SIPA1L1: variants seen among roughly 807,000 people sequenced by gnomAD.
SIPA1L1 encodes signal-induced proliferation-associated 1-like protein 1.
SIPA1L1 carries 26 observed loss-of-function variants against 162.7 expected under a neutral mutation model. The observed-to-expected ratio is 0.16, with a 90% CI of 0.12 to 0.22. SIPA1L1 has a LOEUF of 0.22. Ranked by LOEUF, SIPA1L1 falls within the 10% of genes least tolerant of loss-of-function variation. The pLI, the probability that SIPA1L1 is intolerant of heterozygous loss-of-function variation, is 1.00. For missense variants in SIPA1L1, 1,874 were observed against 2,241.0 expected, an observed-to-expected ratio of 0.84 and a Z score of 3.31; for synonymous variants, 829 against 837.4, an observed-to-expected ratio of 0.99 and a Z score of 0.17.
intron 2 of SIPA1L1, among the ~76,000 whole-genome samples, chr14:71,476,804 A>G (rs1411766424): frequency 6.6e-6 from 1 of 152,020 alleles, no homozygotes; most frequent in Non-Finnish European, 1.5e-5. Flanking sequence ...CAGCCTCCCA[A>G]GTAGCTGGGA....
chr14:71,364,422 T>A (rs1303287036), intron 2 of SIPA1L1, among the ~76,000 whole-genome samples: 12 of 152,202 alleles, frequency 7.9e-5, no homozygotes, highest in Non-Finnish European at 1.6e-4. Context: ...GGCCGTTTCA[T>A]GACTGTCGTA....
At chr14:71,453,996 C>CAAAAAAAA (rs751420064) in intron 2 of SIPA1L1, among the ~76,000 whole-genome samples, 2 of 76,550 alleles carry the variant, frequency 2.6e-5, no homozygotes, top group African/African-American at 6.3e-5. Context: ...GAGATTGTTT[C>CAAAAAAAA]AAAAAAAAAA....
At chr14:71,452,500 C>T (rs982220120) in intron 2 of SIPA1L1, among the ~76,000 whole-genome samples, 3 of 151,830 alleles carry the variant, frequency 2.0e-5, no homozygotes, top group Non-Finnish European at 4.4e-5. Context: ...CTTGTTTTTG[C>T]TTTTTTGGGC....
chr14:71,422,077 T>C (rs1008300339), intron 2 of SIPA1L1, among the ~76,000 whole-genome samples: 2 of 152,208 alleles, frequency 1.3e-5, no homozygotes, highest in Admixed American at 6.5e-5. Flanking sequence ...TTTTTAACAG[T>C]TGTATATGAG....
chr14:71,403,107 G>A (rs1277605104), intron 2 of SIPA1L1, among the ~76,000 whole-genome samples: 2 of 152,040 alleles, frequency 1.3e-5, no homozygotes, highest in African/African-American at 4.8e-5. Flanking sequence ...GTTCATTGTA[G>A]ATCATCTGTC....
chr14:71,510,848 G>A (rs1013710174), intron 2 of SIPA1L1, among the ~76,000 whole-genome samples: 12 of 152,250 alleles, frequency 7.9e-5, no homozygotes, highest in Middle Eastern at 3.4e-3. Context: ...GAATAAGTAC[G>A]GGCCTTGACA....
chr14:71,457,633 A>G (rs1007603583), intron 2 of SIPA1L1, among the ~76,000 whole-genome samples: 8 of 137,956 alleles, frequency 5.8e-5, no homozygotes, highest in African/African-American at 2.2e-4. Flanking sequence ...CGCTTTTATC[A>G]TGCACAGCTA....
chr14:71,453,837 T>C (rs2045985607), intron 2 of SIPA1L1, among the ~76,000 whole-genome samples: 2 of 151,652 alleles, frequency 1.3e-5, no homozygotes, highest in Admixed American at 1.3e-4. Flanking sequence ...CTACTAAAAA[T>C]ACTAAAATTA....
At chr14:71,392,367 C>T (rs1317696193) in intron 2 of SIPA1L1, among the ~76,000 whole-genome samples, 1 of 152,162 alleles carries the variant, frequency 6.6e-6, no homozygotes, top group Non-Finnish European at 1.5e-5. Flanking sequence ...AATGTGATTT[C>T]TTGCCTTTCA....
chr14:71,439,533 A>G (rs1286786758), intron 2 of SIPA1L1, among the ~76,000 whole-genome samples: 1 of 152,234 alleles, frequency 6.6e-6, no homozygotes, highest in Non-Finnish European at 1.5e-5. Context: ...AGTATATGCT[A>G]CTTTATTTTC....
intron 2 of SIPA1L1, among the ~76,000 whole-genome samples, chr14:71,417,511 C>G (rs1197994967): frequency 3.9e-5 from 3 of 76,612 alleles, no homozygotes. Flanking sequence ...AAAGAAAATC[C>G]TAAAGAAGAG....
At chr14:71,361,565 T>C (rs1418698163) in intron 2 of SIPA1L1, among the ~76,000 whole-genome samples, 1 of 152,190 alleles carries the variant, frequency 6.6e-6, no homozygotes, top group Non-Finnish European at 1.5e-5. Context: ...GATAAGTCAT[T>C]ACGTAAGAAC....
chr14:71,729,041 T>G (rs1300771789), intron 19 of SIPA1L1, among the ~76,000 whole-genome samples: 1 of 152,188 alleles, frequency 6.6e-6, no homozygotes, highest in Non-Finnish European at 1.5e-5. Flanking sequence ...TCCCTATTCT[T>G]TCTTTATTTT....
chr14:71,515,670 A>G (rs1371627968), intron 3 of SIPA1L1, among the ~76,000 whole-genome samples: 2 of 151,844 alleles, frequency 1.3e-5, no homozygotes, highest in Non-Finnish European at 2.9e-5. Flanking sequence ...TTTGAGATGG[A>G]GTCTTACTCT....
At chr14:71,641,026 A>T (rs1274893622) in intron 7 of SIPA1L1, among the ~76,000 whole-genome samples, 1 of 152,238 alleles carries the variant, frequency 6.6e-6, no homozygotes, top group Non-Finnish European at 1.5e-5. Context: ...GAACTGATGA[A>T]GACAGATTAC....
intron 2 of SIPA1L1, among the ~76,000 whole-genome samples, chr14:71,440,089 C>T (rs1476104706): frequency 6.6e-6 from 1 of 152,102 alleles, no homozygotes; most frequent in African/African-American, 2.4e-5. Context: ...GGAGTGGCGC[C>T]ATCTCAGCTT....
rs576384362 is a variant in SIPA1L1, at chr14:71,377,111, G to A, written c.-465+55930G>A. 3.3e-5 allele frequency among the ~76,000 whole-genome samples: 5 copies of A among 150,886 alleles called. No homozygotes were observed. Among genetic ancestry groups the A allele is most frequent in the African/African-American group, 9.8e-5 (4 of 40,882 alleles). ...TCCTCACTTTCCAGATGTGGCGGCC[G>A]GGCAGAGGGGCCCCCCCACCCCCCA... On this transcript the variant is annotated intron_variant, in intron 2 of 23. Coordinates refer to ENST00000381232, the MANE Select transcript of SIPA1L1 (RefSeq NM_001386936.1). This position sits in a 1 kb window ranked among gnomAD's most constrained non-coding sequence, Gnocchi z 4.8.
intron 2 of SIPA1L1, among the ~76,000 whole-genome samples, chr14:71,459,646 G>C (rs2141847155): frequency 6.6e-6 from 1 of 152,224 alleles, no homozygotes; most frequent in East Asian, 1.9e-4. Context: ...AGGCTGGGAG[G>C]CTAGGCCAGT....
intron 2 of SIPA1L1, among the ~76,000 whole-genome samples, chr14:71,412,232 T>G (rs1249363302): frequency 2.0e-5 from 3 of 152,238 alleles, no homozygotes; most frequent in Non-Finnish European, 4.4e-5. Context: ...ACGAGCCACA[T>G]GTGGCACAGG....
Sources: allele counts gnomAD v4.1 joint callset (sites outside exome capture counted in the v4.1 genomes callset), GRCh38; gene constraint gnomAD v4.1.1; non-coding constraint Gnocchi (gnomAD v3.1); transcripts MANE v1.5; gene names NCBI Gene and HGNC (gene_info 2026-07-23, HGNC 2026-07-21).